The following ZBED6 variants were observed in gnomAD, a reference collection of about 807,000 sequenced individuals.
The protein encoded by ZBED6 is zinc finger BED domain-containing protein 6.
A neutral mutation model predicts 58.4 loss-of-function variants in ZBED6; 40 were observed. The observed-to-expected ratio is 0.68, with a 90% CI of 0.53 to 0.89. The LOEUF (loss-of-function observed/expected upper bound fraction) is 0.89. Ranked by LOEUF, ZBED6 falls within the 40% of genes least tolerant of loss-of-function variation. The pLI is 0.00. For missense variants in ZBED6, 1,057 were observed against 1,003.9 expected, an observed-to-expected ratio of 1.05 and a Z score of -0.71; for synonymous variants, 439 against 350.6, an observed-to-expected ratio of 1.25 and a Z score of -2.82.
At chr1:203,806,949 T>G (rs1672602359) in intron 1 of ZBED6, among the ~76,000 whole-genome samples, 1 of 151,506 alleles carries the variant, frequency 6.6e-6, no homozygotes, top group African/African-American at 2.4e-5. Context: ...ATTTTTTTTG[T>G]TTTTTACCCC....
chr1:203,829,494 G>A lies in ZBED6; in HGVS notation c.*3041G>A, dbSNP rs1001343282. ...CTGAGTCACCAGAAGAGGAAGTGAA[G>A]GCTAGCCAACTTTCAGTTCAGCAGA... On this transcript the variant is annotated 3_prime_UTR_variant, in exon 5 of 17. Coordinates refer to ENST00000550078, the Ensembl canonical transcript of ZBED6. The A allele has an allele frequency of 5.6e-6, 9 of 1,613,862 alleles. No individual in the cohort carries two copies. The Middle Eastern group carries it at 4.9e-4, about 89-fold the overall frequency.
intron 3 of ZBED6, among the ~76,000 whole-genome samples, chr1:203,820,032 C>T (rs1033149326): frequency 2.0e-5 from 3 of 151,044 alleles, no homozygotes; most frequent in Non-Finnish European, 3.0e-5. Context: ...ATCAGGAGTT[C>T]GAGACCAGCC....
chr1:203,849,261 G>A (rs556024762), intron 13 of ZBED6, among the ~76,000 whole-genome samples: 1 of 152,312 alleles, frequency 6.6e-6, no homozygotes, highest in Non-Finnish European at 1.5e-5. Context: ...ACATAATGGA[G>A]AACTCTACAG....
chr1:203,804,216 AT>A (rs1185571101), intron 1 of ZBED6, among the ~76,000 whole-genome samples: 1 of 140,876 alleles, frequency 7.1e-6, no homozygotes, highest in East Asian at 2.1e-4. Context: ...CAGTGGCGTG[AT>A]CTCGATTCAC....
chr1:203,830,196 G>T lies in ZBED6; in HGVS notation c.*3392G>T, dbSNP rs1362721375. 1.9e-6 allele frequency: 3 copies of T among 1,600,542 alleles called. No homozygotes were observed. The African/African-American group carries it at 4.1e-5, about 22-fold the overall frequency. ...AGAAAATGAAGGAAAAATCTAAGAA[G>T]CAAGGTGGTAAGTCATCACGTTTTG... On this transcript the variant is annotated 3_prime_UTR_variant, in exon 7 of 17. Coordinates refer to ENST00000550078, the Ensembl canonical transcript of ZBED6.
At chr1:203,840,404 T>C in intron 11 of ZBED6, 30 bp downstream of exon 11, 1 of 1,597,906 alleles carries the variant, frequency 6.3e-7, no homozygotes, top group Non-Finnish European at 8.5e-7. Flanking sequence ...AGATTCTGAT[T>C]ATTTTTTTCT....
intron 1 of ZBED6, among the ~76,000 whole-genome samples, chr1:203,809,942 G>A (rs1392499521): frequency 2.6e-5 from 4 of 151,988 alleles, no homozygotes; most frequent in Non-Finnish European, 5.9e-5. Context: ...GCAACAGAGC[G>A]AGACTCTCTC....
chr1:203,822,290 A>C (rs1427299209), intron 3 of ZBED6, among the ~76,000 whole-genome samples: 1 of 152,068 alleles, frequency 6.6e-6, no homozygotes, highest in African/African-American at 2.4e-5. Context: ...TCAGGCTCTG[A>C]CATGACACAC....
intron 4 of ZBED6, 180 bp from the exon 5 acceptor site, chr1:203,829,271 A>G (rs1478108479): frequency 4.8e-6 from 3 of 630,408 alleles, no homozygotes; most frequent in South Asian, 2.0e-5. Flanking sequence ...GAGTTAGTGG[A>G]GAGTTAATTA....
intron 4 of ZBED6, 130 bp from the exon 5 acceptor site, chr1:203,829,321 T>A (rs552663392): frequency 1.1e-6 from 1 of 925,262 alleles, no homozygotes; most frequent in South Asian, 1.7e-5. Context: ...ACTTTAGAAC[T>A]TAAATGAGGA....
chr1:203,830,475 T>C (rs1681884430), intron 7 of ZBED6, among the ~76,000 whole-genome samples: 1 of 152,314 alleles, frequency 6.6e-6, no homozygotes, highest in African/African-American at 2.4e-5. Context: ...ATAAGAACTA[T>C]ATTAATTCTG....
chr1:203,829,936 G>C lies in ZBED6; in HGVS notation c.*3318+40G>C, dbSNP rs1457029479. ...GATTGGTGCCTCTTATAGCACTGTT[G>C]AAACTACCTTTGAAATTTAGTTCAC... On this transcript the variant is annotated intron_variant, in intron 6 of 16. Coordinates refer to ENST00000550078, the Ensembl canonical transcript of ZBED6. The C allele has an allele frequency of 5.1e-6, 8 of 1,559,132 alleles. 1 individual carries two copies. The Admixed American group carries it at 1.2e-4, about 23-fold the overall frequency.
chr1:203,849,610 C>T, intron 13 of ZBED6, 101 bp from the exon 14 acceptor site: 1 of 1,091,412 alleles, frequency 9.2e-7, no homozygotes, highest in Non-Finnish European at 1.4e-6. Flanking sequence ...GATTCTGGAT[C>T]ATGTGAGATT....
At chr1:203,820,237 GAAAA>G (rs542435423) in intron 3 of ZBED6, among the ~76,000 whole-genome samples, 2 of 103,004 alleles carry the variant, frequency 1.9e-5, no homozygotes, top group East Asian at 2.7e-4. Flanking sequence ...TCCATCTCAA[GAAAA>G]AAAAAAAAAA....
intron 3 of ZBED6, among the ~76,000 whole-genome samples, chr1:203,821,959 G>A (rs969862625): frequency 6.6e-5 from 10 of 152,026 alleles, no homozygotes; most frequent in South Asian, 2.1e-4. Context: ...GGGTTTCACC[G>A]TGTTAGCCAG....
chr1:203,851,995 A>T (rs1272383682), intron 16 of ZBED6, 146 bp from the exon 17 acceptor site: 5 of 333,120 alleles, frequency 1.5e-5, no homozygotes, highest in Admixed American at 5.5e-5. Flanking sequence ...AAAAAAAAAA[A>T]GCTTGATCCC....
rs1452634018 is a variant in ZBED6 at position 203,847,015 on chromosome 1, AG to A, written c.*3742-168del. On this transcript the variant is annotated intron_variant, in intron 11 of 16. Coordinates refer to ENST00000550078, the Ensembl canonical transcript of ZBED6. ...GTGAGACTCTGTCTTAAAAAAAAAA[AG>A]AAAAAGAAAAAAAGGAAAAGAAATA... Among the ~76,000 whole-genome samples the A allele has an allele frequency of 6.6e-5, 10 of 151,528 alleles. No individual in the cohort carries two copies. In the East Asian group the frequency reaches 1.8e-3, roughly 27 times the overall value.
chr1:203,799,384 A>G (rs2102389849), exon 1 of ZBED6: 1 of 703,418 alleles, frequency 1.4e-6, no homozygotes, highest in Non-Finnish European at 2.6e-6. Flanking sequence ...CATTCGGTCA[A>G]GGCCCGTCAG....
intron 7 of ZBED6, among the ~76,000 whole-genome samples, chr1:203,831,362 G>A (rs1682306129): frequency 6.6e-6 from 1 of 152,062 alleles, no homozygotes; most frequent in Admixed American, 6.6e-5. Context: ...GTACCTCTGA[G>A]GTTAATTTTA....
Sources: allele counts gnomAD v4.1 joint callset (sites outside exome capture counted in the v4.1 genomes callset), GRCh38; gene constraint gnomAD v4.1.1; transcripts MANE v1.5; gene names NCBI Gene and HGNC (gene_info 2026-07-23, HGNC 2026-07-21).